Variants in SGCD observed in about 807,000 individuals in gnomAD.
The protein encoded by SGCD is delta-sarcoglycan.
In SGCD, 18 loss-of-function variants were observed where a neutral mutation model predicts 36.6. The ratio of observed to expected loss-of-function variants is 0.49; its 90% CI spans 0.34 to 0.73. The LOEUF (loss-of-function observed/expected upper bound fraction) is 0.73, where lower values mean the gene tolerates loss of function less well. Among genes scored for constraint, SGCD ranks in the 30% least tolerant of loss-of-function variants. SGCD has a pLI of 0.01. For synonymous variants in SGCD, 133 were observed against 130.6 expected (o/e 1.02, Z -0.12); for missense variants, 387 against 346.7 (o/e 1.12, Z -0.92).
the SGCD span, among the ~76,000 whole-genome samples, chr5:155,765,603 G>A: frequency 6.6e-6 from 1 of 152,256 alleles, no homozygotes; most frequent in East Asian, 1.9e-4. Flanking sequence ...TGAGGCATCA[G>A]GATGCAACTG....
At chr5:156,139,202 T>A (rs76580807) in intron 3 of SGCD, among the ~76,000 whole-genome samples, 3,077 of 152,316 alleles carry the variant, frequency 0.02, 44 homozygotes, top group Non-Finnish European at 0.035. Flanking sequence ...TTTATTTACA[T>A]TTTTATTTTA....
intron 3 of SGCD, among the ~76,000 whole-genome samples, chr5:156,403,038 G>A (rs905741675): frequency 2.0e-5 from 3 of 152,148 alleles, no homozygotes; most frequent in Non-Finnish European, 2.9e-5. Flanking sequence ...TTCCTATGAG[G>A]AGTTTATGTT....
At chr5:156,376,553 A>G (rs1770680431) in intron 3 of SGCD, among the ~76,000 whole-genome samples, 1 of 152,210 alleles carries the variant, frequency 6.6e-6, no homozygotes, top group African/African-American at 2.4e-5. Context: ...GACCCTAATG[A>G]GATTGGGAAG....
At chr5:156,179,825 T>G (rs68120551) in intron 3 of SGCD, among the ~76,000 whole-genome samples, 1 of 151,886 alleles carries the variant, frequency 6.6e-6, no homozygotes, top group East Asian at 1.9e-4. Flanking sequence ...GGTTTCATCA[T>G]GTTGCCCAGG....
At chr5:156,516,218 G>A (rs961929963) in intron 4 of SGCD, among the ~76,000 whole-genome samples, 4 of 147,434 alleles carry the variant, frequency 2.7e-5, no homozygotes, top group Admixed American at 6.8e-5. Context: ...CTGACTAGGT[G>A]AGACCCCCCA....
chr5:156,585,508 A>C (rs1309847138), intron 4 of SGCD, among the ~76,000 whole-genome samples: 1 of 152,194 alleles, frequency 6.6e-6, no homozygotes, highest in African/African-American at 2.4e-5. Context: ...TTATTTTAGT[A>C]AACATAGAGC....
chr5:155,822,669 T>G, the SGCD span, among the ~76,000 whole-genome samples: 96 of 152,360 alleles, frequency 6.3e-4, no homozygotes, highest in East Asian at 3.9e-4. Flanking sequence ...CATTATATTT[T>G]AATAGTGTCA....
intron 6 of SGCD, among the ~76,000 whole-genome samples, chr5:156,636,082 AG>A (rs1196480367): frequency 1.3e-5 from 2 of 152,156 alleles, no homozygotes; most frequent in African/African-American, 4.8e-5. Context: ...GACTCATCAA[AG>A]GTTGTAAACC....
At chr5:156,560,747 T>C (rs1179840954) in intron 4 of SGCD, among the ~76,000 whole-genome samples, 1 of 152,178 alleles carries the variant, frequency 6.6e-6, no homozygotes, top group African/African-American at 2.4e-5. Context: ...GGTAAAATGG[T>C]TACGAACAGT....
chr5:156,575,596 G>A (rs573250039), intron 4 of SGCD, among the ~76,000 whole-genome samples: 19 of 152,264 alleles, frequency 1.2e-4, no homozygotes, highest in Admixed American at 1.2e-3. Context: ...CATCCAACAA[G>A]TTCTATTGAG....
chr5:156,496,631 G>T (rs553813224), intron 3 of SGCD, among the ~76,000 whole-genome samples: 59 of 152,278 alleles, frequency 3.9e-4, no homozygotes, highest in African/African-American at 1.4e-3. Flanking sequence ...CCTGCTGGAA[G>T]ATTGCTGTGT....
chr5:155,818,377 T>C, the SGCD span, among the ~76,000 whole-genome samples: 1 of 151,668 alleles, frequency 6.6e-6, no homozygotes, highest in Non-Finnish European at 1.5e-5. Context: ...AGGGAGGAGA[T>C]CGAAGGAATG....
chr5:156,530,711 C>T (rs1438251416), intron 4 of SGCD, among the ~76,000 whole-genome samples: 6 of 152,014 alleles, frequency 3.9e-5, no homozygotes, highest in Non-Finnish European at 8.8e-5. Flanking sequence ...TCTTGAGTAA[C>T]TAGGATTACA....
At chr5:156,102,150 A>ATT (rs576678258) in intron 1 of SGCD, among the ~76,000 whole-genome samples, 37 of 150,070 alleles carry the variant, frequency 2.5e-4, no homozygotes, top group African/African-American at 9.0e-4. Context: ...TTTCTGATTG[A>ATT]TTTTTTTTTT....
intron 7 of SGCD, among the ~76,000 whole-genome samples, chr5:156,703,572 T>C (rs1223276598): frequency 6.6e-6 from 1 of 152,138 alleles, no homozygotes; most frequent in Non-Finnish European, 1.5e-5. Flanking sequence ...TATCCTTAGT[T>C]ACAATTTTAT....
At chr5:156,057,136 A>T (rs1176581757) in intron 1 of SGCD, among the ~76,000 whole-genome samples, 1 of 146,712 alleles carries the variant, frequency 6.8e-6, no homozygotes, top group Non-Finnish European at 1.5e-5. Context: ...GTAGTTAATG[A>T]CATAGGAAAA....
At chr5:156,309,711 C>A (rs1767339275) in intron 3 of SGCD, among the ~76,000 whole-genome samples, 1 of 150,812 alleles carries the variant, frequency 6.6e-6, no homozygotes, top group South Asian at 2.1e-4. Flanking sequence ...TGGTCTTGAA[C>A]TCCTGACCTC....
At chr5:156,527,646 C>A (rs919947631) in intron 4 of SGCD, among the ~76,000 whole-genome samples, 2 of 152,180 alleles carry the variant, frequency 1.3e-5, no homozygotes, top group Non-Finnish European at 1.5e-5. Flanking sequence ...GAAGCTGGAT[C>A]TGGATATAAT....
chr5:156,631,029 G>A (rs766984316), intron 6 of SGCD, among the ~76,000 whole-genome samples: 2 of 152,278 alleles, frequency 1.3e-5, no homozygotes, highest in East Asian at 3.9e-4. Flanking sequence ...CCAAGGAAGG[G>A]CAATATGGTC....
Sources: allele counts gnomAD v4.1 joint callset (sites outside exome capture counted in the v4.1 genomes callset), GRCh38; gene constraint gnomAD v4.1.1; transcripts MANE v1.5; gene names NCBI Gene and HGNC (gene_info 2026-07-23, HGNC 2026-07-21).